Variants in MTMR2 observed in about 807,000 individuals in gnomAD.
The protein encoded by MTMR2 is phosphatidylinositol-3,5-bisphosphate 3-phosphatase MTMR2.
Under a neutral mutation model 86.9 loss-of-function variants are expected in MTMR2, and 55 were observed. That is an observed-to-expected ratio of 0.63 (90% confidence interval 0.51 to 0.79). The LOEUF (loss-of-function observed/expected upper bound fraction) is 0.79, where lower values mean the gene tolerates loss of function less well. MTMR2 is among the 30% of genes least tolerant of loss of function. The pLI is 0.00. For synonymous variants in MTMR2, 241 were observed against 266.8 expected (o/e 0.90, Z 0.94); for missense variants, 659 against 772.3 (o/e 0.85, Z 1.74).
chr11:95,877,331 C>CTTTTTTT (rs1565368414), intron 2 of MTMR2, among the ~76,000 whole-genome samples: 1,756 of 94,450 alleles, frequency 0.019, 382 homozygotes, highest in African/African-American at 0.04. Context: ...ACAGGGAAGC[C>CTTTTTTT]CTTTTTTTTT....
At chr11:95,906,157 A>G (rs503999) in intron 1 of MTMR2, among the ~76,000 whole-genome samples, 91,445 of 152,112 alleles carry the variant, frequency 0.6, 29,610 homozygotes, top group African/African-American at 0.86. Flanking sequence ...CCCAGGAGGC[A>G]GAGGTTGCAG....
At chr11:95,858,711 T>C in intron 5 of MTMR2, 79 bp from the exon 6 acceptor site, 2 of 940,228 alleles carry the variant, frequency 2.1e-6, no homozygotes, top group Non-Finnish European at 3.4e-6. Flanking sequence ...TGGAACTATC[T>C]TGTAAAATGT....
intron 2 of MTMR2, among the ~76,000 whole-genome samples, chr11:95,876,089 C>A (rs924887574): frequency 1.3e-5 from 2 of 152,268 alleles, no homozygotes; most frequent in Admixed American, 6.5e-5. Context: ...CTCAGATCTC[C>A]AGCTGCGTGC....
At chr11:95,868,273 TAAAAAAAAAAAAAAAAAAA>T (rs555618890) in intron 2 of MTMR2, among the ~76,000 whole-genome samples, 2 of 42,220 alleles carry the variant, frequency 4.7e-5, no homozygotes, top group Admixed American at 4.5e-4. Flanking sequence ...GACCCTGTGC[TAAAAAAAAAAAAAAAAAAA>T]AAAAAAAAAG....
At chr11:95,923,294 G>C (rs1591059905) in intron 1 of MTMR2, among the ~76,000 whole-genome samples, 2 of 152,172 alleles carry the variant, frequency 1.3e-5, no homozygotes, top group African/African-American at 2.4e-5. Context: ...CTTTCAGCTG[G>C]AAGATTTAGA....
intron 1 of MTMR2, among the ~76,000 whole-genome samples, chr11:95,918,757 G>A (rs1483175754): frequency 6.6e-6 from 1 of 152,174 alleles, no homozygotes; most frequent in Non-Finnish European, 1.5e-5. Context: ...GTGACAAAGG[G>A]AATGGGTAAA....
At chr11:95,835,497 A>G in intron 14 of MTMR2, 46 bp from the exon 15 acceptor site, 2 of 1,576,144 alleles carry the variant, frequency 1.3e-6, no homozygotes, top group Non-Finnish European at 1.7e-6. Context: ...ATCCTGACCA[A>G]AGCCAGGTCA....
At chr11:95,915,981 A>T (rs1866683514) in intron 1 of MTMR2, among the ~76,000 whole-genome samples, 1 of 152,178 alleles carries the variant, frequency 6.6e-6, no homozygotes, top group South Asian at 2.1e-4. Flanking sequence ...AAGACAAGAC[A>T]CAAAAAAATA....
intron 10 of MTMR2, 84 bp from the exon 11 acceptor site, chr11:95,845,243 G>T: frequency 5.2e-6 from 6 of 1,145,846 alleles, no homozygotes; most frequent in Non-Finnish European, 7.7e-6. Flanking sequence ...GCTTATCAGG[G>T]ATCATTATTT....
chr11:95,907,194 C>T (rs1866311019), intron 1 of MTMR2, among the ~76,000 whole-genome samples: 1 of 151,906 alleles, frequency 6.6e-6, no homozygotes. Flanking sequence ...TACCACCAAC[C>T]CCAAAGAAAT....
intron 1 of MTMR2, among the ~76,000 whole-genome samples, chr11:95,906,164 G>A (rs1866267444): frequency 6.6e-6 from 1 of 152,210 alleles, no homozygotes; most frequent in Non-Finnish European, 1.5e-5. Context: ...GGCAGAGGTT[G>A]CAGTGAGCCG....
In MTMR2 at chr11:95,898,681, G is replaced by A. The variant is rs533119236; in HGVS notation, c.81-10420C>T. Among the ~76,000 whole-genome samples the A allele has an allele frequency of 5.3e-5, 8 of 152,232 alleles. No homozygotes were observed. The South Asian group carries it at 1.0e-3, about 20-fold the overall frequency. On this transcript the variant is annotated intron_variant, in intron 1 of 14. Coordinates refer to ENST00000346299, the MANE Select transcript of MTMR2 (RefSeq NM_016156.6). ...GCTAAGTAGTGATTCTATTTCAAAT[G>A]TCTAACATTTCCAAATATATCCACA...
chr11:95,866,778 G>T (rs1864633951), intron 2 of MTMR2, among the ~76,000 whole-genome samples: 1 of 149,314 alleles, frequency 6.7e-6, no homozygotes. Context: ...ATGAAGATGG[G>T]GTTAAAAAGG....
intron 3 of MTMR2, among the ~76,000 whole-genome samples, chr11:95,864,833 C>G (rs916480032): frequency 6.6e-6 from 1 of 151,498 alleles, no homozygotes; most frequent in African/African-American, 2.4e-5. Context: ...GACACCTAGC[C>G]AAGTAAAATT....
At chr11:95,876,016 G>C (rs1196853837) in intron 2 of MTMR2, among the ~76,000 whole-genome samples, 1 of 152,186 alleles carries the variant, frequency 6.6e-6, no homozygotes, top group African/African-American at 2.4e-5. Flanking sequence ...CCCTACTGGG[G>C]GATGCCTCCC....
At chr11:95,850,336 G>A (rs1359493005) in intron 8 of MTMR2, among the ~76,000 whole-genome samples, 4 of 151,462 alleles carry the variant, frequency 2.6e-5, no homozygotes, top group East Asian at 3.9e-4. Flanking sequence ...TAAATAAATA[G>A]TGACTAATAC....
At chr11:95,876,680 CCTA>C (rs1361819331) in intron 2 of MTMR2, among the ~76,000 whole-genome samples, 2 of 152,158 alleles carry the variant, frequency 1.3e-5, no homozygotes, top group East Asian at 3.9e-4. Context: ...TTTTTTTATT[CCTA>C]CTACATAATC....
chr11:95,898,553 TA>T (rs369031810), intron 1 of MTMR2, among the ~76,000 whole-genome samples: 72 of 151,894 alleles, frequency 4.7e-4, no homozygotes, highest in African/African-American at 1.7e-3. Context: ...CAGAACATGA[TA>T]AATGGGTGTG....
At chr11:95,867,409 C>A (rs1864655973) in intron 2 of MTMR2, among the ~76,000 whole-genome samples, 1 of 152,086 alleles carries the variant, frequency 6.6e-6, no homozygotes. Context: ...CTGGCAAAGG[C>A]ACACAGAAAC....
Sources: allele counts gnomAD v4.1 joint callset (sites outside exome capture counted in the v4.1 genomes callset), GRCh38; gene constraint gnomAD v4.1.1; transcripts MANE v1.5; gene names NCBI Gene and HGNC (gene_info 2026-07-23, HGNC 2026-07-21).